Variants in MRPL30 observed in about 807,000 individuals in gnomAD.
MRPL30 encodes mitochondrial ribosomal protein L30, also known as large ribosomal subunit protein uL30m.
A neutral mutation model predicts 17.2 loss-of-function variants in MRPL30; 10 were observed. That is an observed-to-expected ratio of 0.58 (90% CI 0.36 to 0.99). The LOEUF (loss-of-function observed/expected upper bound fraction) is 0.99, where lower values mean the gene tolerates loss of function less well. Ranked by LOEUF, MRPL30 falls within the 50% of genes least tolerant of loss-of-function variation. The probability of loss-of-function intolerance (pLI) is 0.01; values close to 1 mark genes in which losing one functional copy is unlikely to be tolerated. For synonymous variants in MRPL30, 61 were observed against 62.1 expected (o/e 0.98, Z 0.08); for missense variants, 170 against 189.8 (o/e 0.90, Z 0.61).
chr2:99,190,901 T>A (rs570033867), intron 3 of MRPL30, among the ~76,000 whole-genome samples: 1 of 152,308 alleles, frequency 6.6e-6, no homozygotes, highest in Admixed American at 6.5e-5. Context: ...CATCCTATAT[T>A]TGTGCCCTGG....
intron 3 of MRPL30, among the ~76,000 whole-genome samples, chr2:99,191,152 A>C (rs551671394): frequency 6.6e-6 from 1 of 151,950 alleles, no homozygotes; most frequent in Non-Finnish European, 1.5e-5. Context: ...GATTACAGGC[A>C]TGTGCCACCA....
At chr2:99,195,005 AATTT>A (rs1277682700) in intron 4 of MRPL30, 107 bp from the exon 5 acceptor site, 4 of 1,352,770 alleles carry the variant, frequency 3.0e-6, no homozygotes, top group African/African-American at 1.5e-5. Flanking sequence ...TACTTAGGGT[AATTT>A]ATTTATAAAT....
rs1366029174 is a variant in MRPL30 at position 99,185,720 on chromosome 2, T to C, written c.-27-457T>C. The C allele has an allele frequency of 1.4e-5, 6 of 425,204 alleles. No individual in the cohort carries two copies. The East Asian group carries it at 3.7e-4, about 26-fold the overall frequency. The allele number at this position is 425,204 out of a possible 1,614,324, so 26.3% of individuals were successfully genotyped here. ...GAATGGGGTTCCAGACCACAAACTTTATTGATAGCTGGATGCACTTGGATA... is the reference window on the plus strand; with the variant it reads ...GAATGGGGTTCCAGACCACAAACTTCATTGATAGCTGGATGCACTTGGATA... On this transcript the variant is annotated intron_variant, in intron 1 of 5. Coordinates refer to ENST00000338148, the MANE Select transcript of MRPL30 (RefSeq NM_145212.4).
Position 99,199,307 on chromosome 2 carries a change from A to G in MRPL30, c.*3602A>G, listed in dbSNP as rs1333099572. The stretch of plus-strand genomic sequence containing the variant: ...TATATTTGTCAAAATCTGCTTTTCT[A>G]TATCAAAACTTTTCTCTCAAGACCT... On this transcript the variant is annotated 3_prime_UTR_variant, in exon 6 of 6. Transcript: ENST00000338148. Among the ~76,000 whole-genome samples, 9 of 152,288 alleles carry G rather than the reference A, an allele frequency of 5.9e-5. No homozygotes were observed. The South Asian group carries it at 8.3e-4, about 14-fold the overall frequency.
chr2:99,185,910 C>T (rs2093933088), intron 1 of MRPL30: 1 of 457,584 alleles, frequency 2.2e-6, no homozygotes, highest in Admixed American at 3.3e-5. Flanking sequence ...TTGAAGAAGA[C>T]ACTTTAAATG....
chr2:99,189,864 A>G (rs1559190020), intron 3 of MRPL30, among the ~76,000 whole-genome samples: 1 of 152,036 alleles, frequency 6.6e-6, no homozygotes, highest in African/African-American at 2.4e-5. Flanking sequence ...ACAACCATCC[A>G]TCTCCAGAAC....
At chr2:99,187,413 G>A (rs1364841164) in intron 2 of MRPL30, among the ~76,000 whole-genome samples, 1 of 152,234 alleles carries the variant, frequency 6.6e-6, no homozygotes, top group South Asian at 2.1e-4. Context: ...GATTTCTTTT[G>A]TATTGTCTTG....
At chr2:99,195,352 T>G (rs886282585) in intron 5 of MRPL30, 163 bp downstream of exon 5, 1 of 752,188 alleles carries the variant, frequency 1.3e-6, no homozygotes, top group Non-Finnish European at 2.1e-6. Context: ...ATTTATGGGG[T>G]ACATAGTGAC....
intron 1 of MRPL30, among the ~76,000 whole-genome samples, chr2:99,183,817 G>A (rs2093929757): frequency 1.3e-5 from 2 of 152,106 alleles, no homozygotes; most frequent in South Asian, 4.2e-4. Context: ...CTTAGTTTTT[G>A]CCAAATGTCC....
chr2:99,193,806 A>T (rs1276895137), intron 3 of MRPL30, among the ~76,000 whole-genome samples: 1 of 152,148 alleles, frequency 6.6e-6, no homozygotes, highest in African/African-American at 2.4e-5. Context: ...TGGGAGGCCA[A>T]GGCGGGCGGA....
intron 2 of MRPL30, among the ~76,000 whole-genome samples, chr2:99,186,698 C>A (rs904375592): frequency 2.0e-5 from 3 of 152,018 alleles, no homozygotes; most frequent in African/African-American, 7.2e-5. Context: ...GATCTAGAAT[C>A]AAAAAAGATC....
Position 99,195,664 on chromosome 2 carries a change from T to G in MRPL30, c.445T>G (p.Trp149Gly). ...LKSTGELVVQ[W>G]HLKPVEQKAH... is the part of the protein sequence containing the mutation. Reference sequence around the variant, plus strand: ...AAGCACTGGGGAGTTAGTAGTGCAGTGGCATCTGAAACCTGTGGAGCAGAA... The same window carrying G: ...AAGCACTGGGGAGTTAGTAGTGCAGGGGCATCTGAAACCTGTGGAGCAGAA... The change falls in exon 6 of 6, where the codon TGG (tryptophan) becomes GGG (glycine). Residue 149 changes from tryptophan to glycine, a missense_variant. Coordinates refer to ENST00000338148, the MANE Select transcript of MRPL30 (RefSeq NM_145212.4). 6.2e-7 allele frequency: 1 copy of G among 1,613,678 alleles called. No individual in the cohort carries two copies.
chr2:99,187,974 G>C (rs1359950542), intron 2 of MRPL30, among the ~76,000 whole-genome samples: 1 of 152,066 alleles, frequency 6.6e-6, no homozygotes, highest in African/African-American at 2.4e-5. Context: ...ACCAATCCGT[G>C]GTCTAAAAGT....
rs935099225 is a variant in MRPL30, at chr2:99,196,101, T to A, written c.*396T>A. The A allele has an allele frequency of 9.0e-5, 17 of 189,500 alleles. No individual in the cohort carries two copies. Among genetic ancestry groups the A allele is most frequent in the Non-Finnish European group, 1.5e-4 (14 of 92,558 alleles). 11.7% of individuals were successfully genotyped at this position (189,500 alleles called of 1,614,324 possible). A position where few individuals can be genotyped will look rare whatever the true frequency, so the allele number is the denominator to read the frequency against. ...ATCTCAGGGGAAAAAAAAAAATTTT[T>A]TTTTCACTGACTAAACCTGCTGCAG... On this transcript the variant is annotated 3_prime_UTR_variant, in exon 6 of 6. Coordinates refer to ENST00000338148, the MANE Select transcript of MRPL30 (RefSeq NM_145212.4).
intron 3 of MRPL30, among the ~76,000 whole-genome samples, chr2:99,194,425 A>G (rs1317927615): frequency 1.3e-5 from 2 of 152,078 alleles, no homozygotes. Flanking sequence ...TTGTTTTCCC[A>G]CTTGATAGTC....
At chr2:99,191,064 T>C (rs1360472316) in intron 3 of MRPL30, among the ~76,000 whole-genome samples, 1 of 151,428 alleles carries the variant, frequency 6.6e-6, no homozygotes, top group African/African-American at 2.4e-5. Flanking sequence ...TGGAGTGTGG[T>C]GGCGTGGTCT....
In MRPL30 at chr2:99,195,207, A is replaced by T. The variant is rs373605857; in HGVS notation, c.353+18A>T. 2.5e-5 allele frequency: 39 copies of T among 1,585,060 alleles called. No individual in the cohort carries two copies. The highest frequency in any genetic ancestry group is 4.3e-6 in the Non-Finnish European group (5 of 1,159,636). ...TTGATAAGGTTTGTTGTTTCTTCTC[A>T]GCTCTTTTTAAAATGTATTGCCTAG... is the stretch of plus-strand genomic sequence containing the variant. On this transcript the variant is annotated intron_variant, in intron 5 of 5. Transcript: ENST00000338148.
At chr2:99,193,189 A>G (rs2093949789) in intron 3 of MRPL30, among the ~76,000 whole-genome samples, 1 of 152,244 alleles carries the variant, frequency 6.6e-6, no homozygotes, top group African/African-American at 2.4e-5. Context: ...TTCTCAAAAG[A>G]AGATATTTAT....
chr2:99,188,253 A>G lies in MRPL30; in HGVS notation c.128A>G (p.Glu43Gly), dbSNP rs941020636. 1.9e-6 allele frequency: 3 copies of G among 1,602,646 alleles called. No individual in the cohort carries two copies. Among genetic ancestry groups the G allele is most frequent in the Admixed American group, 1.7e-5 (1 of 57,800 alleles). ...AAATTCACCAGATCAAGAATTCCAG[A>G]AAAAGTAAGAACAAAGTTTGATTTT... The part of the protein sequence containing the change: ...RHKFTRSRIP[E>G]KVFQASPEDH... Residue 43 changes from glutamate to glycine, a missense_variant, in exon 3 of 6, where the codon GAA (glutamate) becomes GGA (glycine). Transcript: ENST00000338148.
Sources: allele counts gnomAD v4.1 joint callset (sites outside exome capture counted in the v4.1 genomes callset), GRCh38; gene constraint gnomAD v4.1.1; transcripts MANE v1.5; gene names NCBI Gene and HGNC (gene_info 2026-07-23, HGNC 2026-07-21).